Variants in PPP3CC observed in about 807,000 individuals in gnomAD.
PPP3CC encodes the protein serine/threonine-protein phosphatase 2B catalytic subunit gamma isoform.
PPP3CC carries 35 observed loss-of-function variants against 60.3 expected under a neutral mutation model. That is an observed-to-expected ratio of 0.58 (90% CI 0.44 to 0.77). The LOEUF (loss-of-function observed/expected upper bound fraction) is 0.77. Ranked by LOEUF, PPP3CC falls within the 30% of genes least tolerant of loss-of-function variation. The pLI is 0.00. For missense variants in PPP3CC, 570 were observed against 628.9 expected (o/e 0.91, Z 1.00); for synonymous variants, 206 against 224.3 (o/e 0.92, Z 0.73).
chr8:22,508,532 C>T (rs955714072), intron 4 of PPP3CC, among the ~76,000 whole-genome samples: 2 of 152,124 alleles, frequency 1.3e-5, no homozygotes, highest in African/African-American at 2.4e-5. Flanking sequence ...TACAAAATGA[C>T]AATACACTTC....
intron 6 of PPP3CC, among the ~76,000 whole-genome samples, chr8:22,518,543 A>C (rs1042625834): frequency 6.6e-6 from 1 of 152,138 alleles, no homozygotes; most frequent in Non-Finnish European, 1.5e-5. Flanking sequence ...GAAGAATTCT[A>C]TTCTTCTGTT....
In PPP3CC at chr8:22,508,404, A is replaced by G. The variant is rs530974917; in HGVS notation, c.485-2682A>G. 4.7e-4 allele frequency among the ~76,000 whole-genome samples: 72 copies of G among 152,348 alleles called. 1 individual carries two copies. The South Asian group carries it at 0.013, about 28-fold the overall frequency. ...CAGAAAATTAAATACTGGTAATTAT[A>G]TATGCAATTCATATACTTTGAAAAA... On this transcript the variant is annotated intron_variant, in intron 4 of 13. Transcript: ENST00000240139.
intron 4 of PPP3CC, among the ~76,000 whole-genome samples, chr8:22,508,220 A>G (rs1442491694): frequency 6.6e-6 from 1 of 152,108 alleles, no homozygotes; most frequent in Non-Finnish European, 1.5e-5. Flanking sequence ...GCACTACTGC[A>G]CTCCAGCCTA....
chr8:22,512,498 T>G (rs1352677684), intron 5 of PPP3CC, among the ~76,000 whole-genome samples: 1 of 152,098 alleles, frequency 6.6e-6, no homozygotes, highest in African/African-American at 2.4e-5. Flanking sequence ...CTGCATAGAC[T>G]GGAAAGGATA....
intron 6 of PPP3CC, among the ~76,000 whole-genome samples, chr8:22,521,229 C>T (rs1839397281): frequency 6.6e-6 from 1 of 152,166 alleles, no homozygotes; most frequent in East Asian, 1.9e-4. Context: ...TCCACAAGGC[C>T]CCTGTTAAGG....
chr8:22,489,666 A>ATATAAGTATATATT (rs1838326344), intron 3 of PPP3CC, among the ~76,000 whole-genome samples: 1 of 140,222 alleles, frequency 7.1e-6, no homozygotes, highest in Non-Finnish European at 1.5e-5. Context: ...TATATATTAT[A>ATATAAGTATATATT]TATAAGTATA....
chr8:22,503,705 A>T (rs1452257418), intron 4 of PPP3CC, among the ~76,000 whole-genome samples: 2 of 152,148 alleles, frequency 1.3e-5, no homozygotes, highest in Non-Finnish European at 2.9e-5. Context: ...TTTTGCCCAG[A>T]ATTTCTTACC....
At chr8:22,490,824 G>A (rs1056300188) in intron 3 of PPP3CC, among the ~76,000 whole-genome samples, 1 of 152,060 alleles carries the variant, frequency 6.6e-6, no homozygotes, top group Non-Finnish European at 1.5e-5. Context: ...TGGTGTATAT[G>A]TGCCACATTT....
chr8:22,526,098 G>A lies in PPP3CC; in HGVS notation c.944-1294G>A, dbSNP rs191398863. ...GCCCAGGCTGGTCTCAATCTCCTGA[G>A]CTCAGGCAATCTGCCCACCTCGGCC... On this transcript the variant is annotated intron_variant, in intron 8 of 13. Coordinates refer to ENST00000240139, the MANE Select transcript of PPP3CC (RefSeq NM_005605.5). 9.5e-3 allele frequency among the ~76,000 whole-genome samples: 1,447 copies of A among 152,116 alleles called. 29 individuals carry two copies. The highest frequency in any genetic ancestry group is 0.033 in the African/African-American group (1,380 of 41,470).
At chr8:22,489,541 G>GT (rs1838318361) in intron 3 of PPP3CC, among the ~76,000 whole-genome samples, 1 of 146,410 alleles carries the variant, frequency 6.8e-6, no homozygotes, top group African/African-American at 2.5e-5. Context: ...GTCCTTTACT[G>GT]TATTTTCTAG....
intron 12 of PPP3CC, 70 bp from the exon 13 acceptor site, chr8:22,539,399 C>T: frequency 1.3e-6 from 2 of 1,550,596 alleles, no homozygotes; most frequent in Non-Finnish European, 8.9e-7. Flanking sequence ...GTGCTGCCAT[C>T]AGTGCTGTTG....
chr8:22,489,284 C>G (rs1223759931), intron 3 of PPP3CC, among the ~76,000 whole-genome samples: 1 of 151,944 alleles, frequency 6.6e-6, no homozygotes, highest in African/African-American at 2.4e-5. Flanking sequence ...TTGAATTGAT[C>G]GAGCTCCTCA....
chr8:22,538,880 C>T (rs1839900855), intron 12 of PPP3CC, among the ~76,000 whole-genome samples: 1 of 152,116 alleles, frequency 6.6e-6, no homozygotes, highest in Admixed American at 6.6e-5. Context: ...TAGTTCTATG[C>T]TTTTGTTAGC....
chr8:22,452,688 A>G (rs1484318340), intron 1 of PPP3CC, among the ~76,000 whole-genome samples: 1 of 152,174 alleles, frequency 6.6e-6, no homozygotes, highest in Non-Finnish European at 1.5e-5. Context: ...ATGACCTTAG[A>G]TAAATCACTT....
chr8:22,489,672 G>GTATATATTATATATAAGTATATAT (rs1161737608), intron 3 of PPP3CC, among the ~76,000 whole-genome samples: 16 of 94,916 alleles, frequency 1.7e-4, no homozygotes, highest in South Asian at 1.1e-3. Context: ...TTATATATAA[G>GTATATATTATATATAAGTATATAT]TATATATTAT....
intron 1 of PPP3CC, among the ~76,000 whole-genome samples, chr8:22,451,770 G>A (rs893200784): frequency 6.6e-6 from 1 of 152,170 alleles, no homozygotes; most frequent in Admixed American, 6.5e-5. Flanking sequence ...TTTATTTTGT[G>A]CACAAAATTA....
In PPP3CC at chr8:22,540,949, G is replaced by A. The variant is rs7431; in HGVS notation, c.*147G>A. The A allele has an allele frequency of 0.48, 322,832 of 667,834 alleles. 82,147 individuals are homozygous for A. The highest frequency in any genetic ancestry group is 0.76 in the African/African-American group (40,453 of 53,118). 41.4% of individuals were successfully genotyped at this position (667,834 alleles called of 1,614,324 possible). A position where few individuals can be genotyped will look rare whatever the true frequency, so the allele number is the denominator to read the frequency against. ...TCTGCATTTATTCTGTAAAAAGGTGGCTGTTTTATAAATTCTTTTAATTTA... is the reference window on the plus strand; with the variant it reads ...TCTGCATTTATTCTGTAAAAAGGTGACTGTTTTATAAATTCTTTTAATTTA... On this transcript the variant is annotated 3_prime_UTR_variant, in exon 14 of 14. Transcript: ENST00000240139.
At chr8:22,474,886 AAGAATT>A in intron 1 of PPP3CC, 62 bp from the exon 2 acceptor site, 1 of 1,081,704 alleles carries the variant, frequency 9.2e-7, no homozygotes, top group African/African-American at 1.6e-5. Context: ...TGTCATGTAA[AAGAATT>A]GTGTTCTGTT....
At chr8:22,529,086 A>G (rs946587796) in intron 10 of PPP3CC, among the ~76,000 whole-genome samples, 3 of 152,218 alleles carry the variant, frequency 2.0e-5, no homozygotes, top group Non-Finnish European at 2.9e-5. Flanking sequence ...CTTGCTCTCA[A>G]TAAGCTTATT....
Sources: allele counts gnomAD v4.1 joint callset (sites outside exome capture counted in the v4.1 genomes callset), GRCh38; gene constraint gnomAD v4.1.1; transcripts MANE v1.5; gene names NCBI Gene and HGNC (gene_info 2026-07-23, HGNC 2026-07-21).